Variants in WNT5A observed in about 807,000 individuals in gnomAD.
The protein encoded by WNT5A is Wnt family member 5A.
A neutral mutation model predicts 42.1 loss-of-function variants in WNT5A; 9 were observed. That is an observed-to-expected ratio of 0.21 (90% CI 0.13 to 0.37). The LOEUF (loss-of-function observed/expected upper bound fraction) is 0.37. WNT5A is among the 10% of genes least tolerant of loss of function. The pLI is 1.00. For synonymous variants in WNT5A, 210 were observed against 210.0 expected, an observed-to-expected ratio of 1.00 and a Z score of 0.00; for missense variants, 426 against 534.0, an observed-to-expected ratio of 0.80 and a Z score of 1.99.
intron 2 of WNT5A, among the ~76,000 whole-genome samples, chr3:55,480,202 T>A (rs1241834866): frequency 6.6e-6 from 1 of 152,138 alleles, no homozygotes; most frequent in Non-Finnish European, 1.5e-5. Context: ...CCGTCAAAAA[T>A]AATCCTCTGG....
chr3:55,501,350 C>T, the WNT5A span, among the ~76,000 whole-genome samples: 3 of 152,326 alleles, frequency 2.0e-5, no homozygotes, highest in East Asian at 3.9e-4. Context: ...AATGCAACTC[C>T]TTGCTCCAAA....
Position 55,470,229 on chromosome 3 carries a change from C to T in WNT5A, c.1006G>A (p.Glu336Lys), listed in dbSNP as rs542775163. Residue 336 changes from glutamate to lysine, a missense_variant, in exon 5 of 5, where the codon GAG becomes AAG. Glu to Lys is a moderately conservative substitution (Grantham distance 56). Around this residue, in one of 3 missense-constraint regions of WNT5A, gnomAD observed 358 missense variants for 468.1 expected, o/e 0.76. Transcript: ENST00000264634. ...NKTSEGMDGC[E>K]LMCCGRGYDQ... Reference sequence around the variant, plus strand: ...TAGCCACGGCCGCAGCACATGAGCTCGCAGCCATCCATGCCCTCCGACGTC... The same window carrying T: ...TAGCCACGGCCGCAGCACATGAGCTTGCAGCCATCCATGCCCTCCGACGTC... 3.1e-6 allele frequency: 5 copies of T among 1,614,094 alleles called. No individual in the cohort carries two copies. The highest frequency in any genetic ancestry group is 2.2e-5 in the South Asian group (2 of 91,086).
chr3:55,494,560 T>C (rs1251654456), upstream of WNT5A, among the ~76,000 whole-genome samples: 2 of 152,146 alleles, frequency 1.3e-5, no homozygotes, highest in Non-Finnish European at 2.9e-5. Flanking sequence ...TTTTTTTTGA[T>C]AGAGTCTCAC....
At chr3:55,504,436 T>A in the WNT5A span, among the ~76,000 whole-genome samples, 1 of 151,312 alleles carries the variant, frequency 6.6e-6, no homozygotes, top group African/African-American at 2.4e-5. Flanking sequence ...ACTGGATTAA[T>A]GCTTGATGGC....
At chr3:55,502,829 G>T in the WNT5A span, among the ~76,000 whole-genome samples, 1 of 152,238 alleles carries the variant, frequency 6.6e-6, no homozygotes, top group African/African-American at 2.4e-5. Flanking sequence ...TCTTATAGAT[G>T]TGTGAATATG....
intron 1 of WNT5A, 196 bp from the exon 2 acceptor site, chr3:55,481,114 A>G (rs2051452170): frequency 2.8e-6 from 2 of 702,056 alleles, no homozygotes; most frequent in East Asian, 7.0e-5. Context: ...CCTCACCAGG[A>G]AATCTGATTT....
the WNT5A span, among the ~76,000 whole-genome samples, chr3:55,496,055 AC>A: frequency 6.6e-6 from 1 of 152,180 alleles, no homozygotes; most frequent in Non-Finnish European, 1.5e-5. Flanking sequence ...TTAACATGTT[AC>A]CCTAATGTGT....
At chr3:55,488,217 G>T (rs2051611638), upstream of WNT5A, 1 of 152,588 alleles carries the variant, frequency 6.6e-6, no homozygotes, top group South Asian at 1.9e-4. Context: ...CTGCCGCACG[G>T]ACCCCGGCTC....
rs887539308 is a variant in WNT5A at position 55,483,579 on chromosome 3, CACT to C, written c.7-2664_7-2662del. On this transcript the variant is annotated intron_variant, in intron 1 of 4. Coordinates refer to ENST00000264634, the MANE Select transcript of WNT5A (RefSeq NM_003392.7). This position sits in a 1 kb window ranked among gnomAD's most constrained non-coding sequence, Gnocchi z 4.2. ...AAAGAAGGGGCTAAATGTTTTCCAA[CACT>C]TTCGGGGCTCAGGGAAGATGACTCT... 6.6e-6 allele frequency among the ~76,000 whole-genome samples: 1 copy of C among 152,152 alleles called. No homozygotes were observed. Among genetic ancestry groups the C allele is most frequent in the Non-Finnish European group, 1.5e-5 (1 of 68,038 alleles).
At chr3:55,489,431 C>T (rs1054570812), upstream of WNT5A, among the ~76,000 whole-genome samples, 3 of 152,064 alleles carry the variant, frequency 2.0e-5, no homozygotes, top group South Asian at 4.1e-4. Flanking sequence ...TCCAGTCCTC[C>T]CCCACCTCCA....
intron 1 of WNT5A, among the ~76,000 whole-genome samples, chr3:55,485,353 G>T (rs759678025): frequency 3.3e-5 from 5 of 151,974 alleles, no homozygotes; most frequent in African/African-American, 1.2e-4. Flanking sequence ...CTTGAGCACC[G>T]GAGCGCACGG....
upstream of WNT5A, chr3:55,488,239 G>A (rs1275787851): frequency 6.6e-6 from 1 of 152,224 alleles, no homozygotes; most frequent in East Asian, 2.0e-4. Flanking sequence ...GGGCGGCGGA[G>A]GCGGCTCCGT....
chr3:55,504,049 A>G, the WNT5A span, among the ~76,000 whole-genome samples: 2 of 152,170 alleles, frequency 1.3e-5, no homozygotes, highest in Non-Finnish European at 2.9e-5. Flanking sequence ...AGACAGGTGG[A>G]TCACTTGAGG....
At position 55,470,107 on chromosome 3, in the gene WNT5A, C is replaced by T. The variant is rs775072555; in HGVS notation, c.1128G>A (p.Gln376=). 1.2e-5 allele frequency: 20 copies of T among 1,614,004 alleles called. No homozygotes were observed. Among genetic ancestry groups the T allele is most frequent in the Middle Eastern group, 3.3e-4 (2 of 6,084 alleles). ...KCKKCTEIVD[Q]FVCK is the part of the protein sequence containing the mutation. ...GTGGCACCCACTACTTGCACACAAA[C>T]TGGTCCACGATCTCCGTGCACTTCT... is the stretch of plus-strand genomic sequence containing the variant. The change falls in exon 5 of 5, where the codon CAG becomes CAA. Residue 376 remains glutamine, a synonymous_variant. Coordinates refer to ENST00000264634, the MANE Select transcript of WNT5A (RefSeq NM_003392.7).
Position 55,474,325 on chromosome 3 carries a change from C to T in WNT5A, c.684+12G>A, listed in dbSNP as rs769193003. 75 of 1,612,510 alleles carry T rather than the reference C, an allele frequency of 4.7e-5. No individual in the cohort carries two copies. The highest frequency in any genetic ancestry group is 6.1e-5 in the Non-Finnish European group (72 of 1,179,746). ...ACAGAGATGCGGGGCGGGGGCGAGA[C>T]GCGGCACTCACCCTGCGGCCGGCCT... is the stretch of plus-strand genomic sequence containing the variant. On this transcript the variant is annotated intron_variant, in intron 4 of 4. Coordinates refer to ENST00000264634, the MANE Select transcript of WNT5A (RefSeq NM_003392.7).
At chr3:55,505,017 GAA>G in the WNT5A span, among the ~76,000 whole-genome samples, 1 of 152,146 alleles carries the variant, frequency 6.6e-6, no homozygotes, top group Non-Finnish European at 1.5e-5. Flanking sequence ...GTAGCAGCAG[GAA>G]GCAATGGTTC....
At chr3:55,496,929 C>T in the WNT5A span, among the ~76,000 whole-genome samples, 2 of 152,196 alleles carry the variant, frequency 1.3e-5, no homozygotes, top group Non-Finnish European at 2.9e-5. Flanking sequence ...ATGACTGATA[C>T]GCTATGCATT....
Position 55,487,051 on chromosome 3 carries a change from G to A in WNT5A, c.-66C>T, listed in dbSNP as rs549842537. 14 of 1,530,652 alleles carry A rather than the reference G, an allele frequency of 9.1e-6. No individual in the cohort carries two copies. Among genetic ancestry groups the A allele is most frequent in the African/African-American group, 5.4e-5 (4 of 73,668 alleles). The allele number at this position is 1,530,652 out of a possible 1,614,324, so 94.8% of individuals were successfully genotyped here. ...GCGAGCGCAGCCGAGGAATCCGAGC[G>A]GAGCGACCGGGTTAAGCCTGGGGGG... On this transcript the variant is annotated 5_prime_UTR_variant, in exon 1 of 5. Transcript: ENST00000264634.
At chr3:55,481,775 C>A (rs894574416) in intron 1 of WNT5A, among the ~76,000 whole-genome samples, 3 of 152,110 alleles carry the variant, frequency 2.0e-5, no homozygotes, top group Non-Finnish European at 4.4e-5. Context: ...GCCTCTTCCA[C>A]GGACTGAGAG....
Sources: allele counts gnomAD v4.1 joint callset (sites outside exome capture counted in the v4.1 genomes callset), GRCh38; gene constraint gnomAD v4.1.1; regional missense constraint gnomAD v4.1.1; non-coding constraint Gnocchi (gnomAD v3.1); transcripts MANE v1.5; gene names NCBI Gene and HGNC (gene_info 2026-07-23, HGNC 2026-07-21).